RFT1: variants seen among roughly 807,000 people sequenced by gnomAD.
RFT1 encodes RFT1 glycolipid translocator homolog.
Under a neutral mutation model 62.2 loss-of-function variants are expected in RFT1, and 43 were observed. The observed-to-expected ratio is 0.69, with a 90% confidence interval of 0.54 to 0.89. The LOEUF is 0.89. Ranked by LOEUF, RFT1 falls within the 40% of genes least tolerant of loss-of-function variation. The pLI, the probability that RFT1 is intolerant of heterozygous loss-of-function variation, is 0.00. For missense variants in RFT1, 605 were observed against 649.9 expected, an observed-to-expected ratio of 0.93 and a Z score of 0.75; for synonymous variants, 262 against 264.6, an observed-to-expected ratio of 0.99 and a Z score of 0.10.
At chr3:53,110,477 C>T (rs922977341) in intron 7 of RFT1, among the ~76,000 whole-genome samples, 3 of 152,112 alleles carry the variant, frequency 2.0e-5, no homozygotes, top group African/African-American at 7.2e-5. Flanking sequence ...GAGAAGGCCT[C>T]GGAACGGTTT....
chr3:53,081,611 C>T, the RFT1 span, among the ~76,000 whole-genome samples: 1,819 of 152,262 alleles, frequency 0.012, 18 homozygotes, highest in South Asian at 0.026. Context: ...GATCTCCTGC[C>T]CATGGTTCCA....
chr3:53,091,908 T>C lies in RFT1; in HGVS notation c.1621A>G (p.Thr541Ala). 6.2e-7 allele frequency: 1 copy of C among 1,614,156 alleles called. No homozygotes were observed. The highest frequency in any genetic ancestry group is 1.1e-5 in the South Asian group (1 of 91,080). ...LGVPRRTDKM[T>A] ...GTGTCCAGGCTTCCCTGAAGTCATG[T>C]CATTTTGTCAGTGCGTCTGGGCACA... Residue 541 changes from threonine (T) to alanine (A), a missense_variant, in exon 13 of 13, where the codon ACA (threonine) becomes GCA (alanine). Transcript: ENST00000296292.
Position 53,089,378 on chromosome 3 carries a change from C to T in RFT1, c.*2525G>A, listed in dbSNP as rs1700930820. 6.6e-6 allele frequency: 1 copy of T among 152,254 alleles called. No homozygotes were observed. Among genetic ancestry groups the T allele is most frequent in the Admixed American group, 6.5e-5 (1 of 15,280 alleles). 9.4% of individuals were successfully genotyped at this position (152,254 alleles called of 1,614,324 possible). The stretch of plus-strand genomic sequence containing the variant: ...CTGTTCTTCTCACCAACGAATGCTC[C>T]TTCCTTTCATAAAGGTTGTGCCTCA... On this transcript the variant is annotated 3_prime_UTR_variant, in exon 13 of 13. Coordinates refer to ENST00000296292, the MANE Select transcript of RFT1 (RefSeq NM_052859.4).
At chr3:53,100,227 A>G (rs1332639860) in intron 10 of RFT1, among the ~76,000 whole-genome samples, 1 of 152,220 alleles carries the variant, frequency 6.6e-6, no homozygotes, top group Non-Finnish European at 1.5e-5. Flanking sequence ...ACACAAATCC[A>G]AAGTGAGAAC....
chr3:53,112,005 T>C (rs1436851269), intron 6 of RFT1, 97 bp from the exon 7 acceptor site: 6 of 932,664 alleles, frequency 6.4e-6, no homozygotes, highest in Non-Finnish European at 1.0e-5. Flanking sequence ...GGTCTCTAAA[T>C]CCCAACTTGG....
chr3:53,105,012 G>A (rs1701424147), intron 9 of RFT1, among the ~76,000 whole-genome samples: 1 of 152,228 alleles, frequency 6.6e-6, no homozygotes, highest in African/African-American at 2.4e-5. Flanking sequence ...TTTGGCTCTT[G>A]AGACTCTGAG....
intron 12 of RFT1, 102 bp from the exon 13 acceptor site, chr3:53,092,172 TA>T: frequency 6.8e-7 from 1 of 1,472,764 alleles, no homozygotes; most frequent in Non-Finnish European, 9.3e-7. Flanking sequence ...CTAAGTCAGA[TA>T]AAAGGCATAA....
chr3:53,071,884 G>A, the RFT1 span, among the ~76,000 whole-genome samples: 4 of 152,324 alleles, frequency 2.6e-5, no homozygotes, highest in East Asian at 1.9e-4. Flanking sequence ...CTTGCCTCCC[G>A]TGACTGCAGG....
At chr3:53,115,238 G>C (rs1701759147) in intron 6 of RFT1, among the ~76,000 whole-genome samples, 1 of 152,130 alleles carries the variant, frequency 6.6e-6, no homozygotes, top group Non-Finnish European at 1.5e-5. Context: ...TGAATTATTA[G>C]TGTAAATGTC....
chr3:53,088,567 GA>G lies in RFT1; in HGVS notation c.*3335del. The G allele has an allele frequency of 6.6e-6, 1 of 152,026 alleles. No individual in the cohort carries two copies. Among genetic ancestry groups the G allele is most frequent in the Non-Finnish European group, 1.5e-5 (1 of 67,972 alleles). The allele number at this position is 152,026 out of a possible 1,614,324, so 9.4% of individuals were successfully genotyped here. A position where few individuals can be genotyped will look rare whatever the true frequency, so the allele number is the denominator to read the frequency against. ...CTAGCAACAGGAATGCATGATTAAG[GA>G]AAAAAAATGGCTGGTCTGGAATCCC... On this transcript the variant is annotated 3_prime_UTR_variant, in exon 13 of 13. Transcript: ENST00000296292.
At position 53,089,056 on chromosome 3, in the gene RFT1, A is replaced by T. The variant is rs1331486238; in HGVS notation, c.*2847T>A. 1.3e-5 allele frequency: 2 copies of T among 149,856 alleles called. No individual in the cohort carries two copies. The highest frequency in any genetic ancestry group is 3.0e-5 in the Non-Finnish European group (2 of 67,514). 9.3% of individuals were successfully genotyped at this position (149,856 alleles called of 1,614,324 possible). On this transcript the variant is annotated 3_prime_UTR_variant, in exon 13 of 13. Coordinates refer to ENST00000296292, the MANE Select transcript of RFT1 (RefSeq NM_052859.4). ...AGGCTGAGGCAAGAGAATCGCTTGA[A>T]CCCAGGAGGCAGAGCTCGCAGTGAG... is the stretch of plus-strand genomic sequence containing the variant.
intron 10 of RFT1, among the ~76,000 whole-genome samples, chr3:53,100,409 C>T (rs927567936): frequency 5.3e-5 from 8 of 152,180 alleles, no homozygotes; most frequent in African/African-American, 1.7e-4. Flanking sequence ...ACCTAACCTA[C>T]GACCCAGCAA....
intron 11 of RFT1, among the ~76,000 whole-genome samples, chr3:53,094,970 A>C (rs531566463): frequency 3.5e-4 from 54 of 152,312 alleles, no homozygotes; most frequent in African/African-American, 1.2e-3. Context: ...AAATGCAATT[A>C]AAATATCACT....
At chr3:53,070,394 T>G in the RFT1 span, among the ~76,000 whole-genome samples, 2,541 of 18,656 alleles carry the variant, frequency 0.14, 249 homozygotes, top group Middle Eastern at 0.35. Flanking sequence ...TGTATTATGG[T>G]TTTTTTTTTT....
chr3:53,123,873 C>A, intron 2 of RFT1, 33 bp from the exon 3 acceptor site: 1 of 1,540,444 alleles, frequency 6.5e-7, no homozygotes, highest in South Asian at 1.1e-5. Flanking sequence ...AATAAGGTCT[C>A]AAGTTTTTTC....
At chr3:53,081,619 C>T in the RFT1 span, among the ~76,000 whole-genome samples, 2 of 152,282 alleles carry the variant, frequency 1.3e-5, no homozygotes, top group South Asian at 4.1e-4. Flanking sequence ...GCCCATGGTT[C>T]CAAAGTGAGG....
At chr3:53,098,825 A>AAAAAAAC (rs1701227992) in intron 11 of RFT1, among the ~76,000 whole-genome samples, 2 of 150,656 alleles carry the variant, frequency 1.3e-5, no homozygotes, top group Non-Finnish European at 3.0e-5. Context: ...AAAAAAAAAA[A>AAAAAAAC]AGAACCACTG....
At position 53,097,681 on chromosome 3, in the gene RFT1, C is replaced by T. The variant is rs567509575; in HGVS notation, c.1208+1700G>A. Among the ~76,000 whole-genome samples, 17 of 152,274 alleles carry T rather than the reference C, an allele frequency of 1.1e-4. No homozygotes were observed. In the East Asian group the frequency reaches 1.7e-3, roughly 16 times the overall value. Reference sequence around the variant, plus strand: ...CCTTCAACACTAACACTGAAGTTACCGTAACAAAATTCCCTTCAAGGAGAT... The same window carrying T: ...CCTTCAACACTAACACTGAAGTTACTGTAACAAAATTCCCTTCAAGGAGAT... On this transcript the variant is annotated intron_variant, in intron 11 of 12. Coordinates refer to ENST00000296292, the MANE Select transcript of RFT1 (RefSeq NM_052859.4).
intron 10 of RFT1, 124 bp from the exon 11 acceptor site, chr3:53,099,610 C>T: frequency 1.4e-6 from 1 of 734,820 alleles, no homozygotes; most frequent in Non-Finnish European, 2.5e-6. Context: ...CAGCAATGGG[C>T]AGACTGCATG....
Sources: gnomAD v4.1 joint callset for allele counts (sites outside exome capture counted in the v4.1 genomes callset) on GRCh38, gnomAD v4.1.1 for gene constraint, MANE v1.5 for transcripts, NCBI Gene and HGNC (gene_info 2026-07-23, HGNC 2026-07-21) for gene names.